SEC23B: variants seen among roughly 807,000 people sequenced by gnomAD.
SEC23B encodes the protein SEC23 homolog B, COPII component.
A neutral mutation model predicts 104.3 loss-of-function variants in SEC23B; 77 were observed. The observed-to-expected ratio is 0.74, with a 90% CI of 0.61 to 0.89. The LOEUF (loss-of-function observed/expected upper bound fraction) is 0.89. SEC23B is among the 40% of genes least tolerant of loss of function. SEC23B has a pLI of 0.00. For synonymous variants in SEC23B, 338 were observed against 332.5 expected (o/e 1.02, Z -0.18); for missense variants, 885 against 949.4 (o/e 0.93, Z 0.89).
chr20:18,519,705 G>T (rs2060066049), intron 4 of SEC23B, among the ~76,000 whole-genome samples: 1 of 152,164 alleles, frequency 6.6e-6, no homozygotes, highest in African/African-American at 2.4e-5. Flanking sequence ...AGGATCTGTG[G>T]GGTCAGCTAG....
chr20:18,512,828 G>A (rs1315246501), intron 3 of SEC23B, among the ~76,000 whole-genome samples: 3 of 152,138 alleles, frequency 2.0e-5, no homozygotes, highest in Admixed American at 2.0e-4. Flanking sequence ...GAGGTGGGTG[G>A]ATCATGAGGT....
At chr20:18,551,325 A>G (rs2122161444) in intron 17 of SEC23B, 150 bp downstream of exon 17, 1 of 604,524 alleles carries the variant, frequency 1.7e-6, no homozygotes. Flanking sequence ...TTTTAATGAC[A>G]TTTGTAACCA....
chr20:18,538,484 ACCTCGTGATCCGCACGTCTCT>A (rs2060257680), intron 12 of SEC23B, among the ~76,000 whole-genome samples: 1 of 151,596 alleles, frequency 6.6e-6, no homozygotes, highest in East Asian at 2.0e-4. Context: ...CGATCTCCTG[ACCTCGTGATCCGCACGTCTCT>A]GCCTTCCAAA....
At position 18,516,429 on chromosome 20, in the gene SEC23B, C is replaced by A. The variant is rs562537050; in HGVS notation, c.366+693C>A. Among the ~76,000 whole-genome samples the A allele has an allele frequency of 2.6e-5, 4 of 151,992 alleles. No individual in the cohort carries two copies. In the South Asian group the frequency reaches 8.3e-4, roughly 31 times the overall value. On this transcript the variant is annotated intron_variant, in intron 4 of 19. Coordinates refer to ENST00000650089, the MANE Select transcript of SEC23B (RefSeq NM_006363.6). ...CATTGTGTTTTATTGGAAAACTTGT[C>A]TGTCTTTATGCCAGAACTAAACTGT...
intron 1 of SEC23B, among the ~76,000 whole-genome samples, chr20:18,509,168 C>T (rs1395804934): frequency 6.6e-6 from 1 of 152,204 alleles, no homozygotes; most frequent in Admixed American, 6.5e-5. Flanking sequence ...AGAGTGCTTC[C>T]TGTGCACACA....
chr20:18,544,739 G>C (rs924415194), intron 14 of SEC23B, among the ~76,000 whole-genome samples: 1 of 152,176 alleles, frequency 6.6e-6, no homozygotes, highest in Non-Finnish European at 1.5e-5. Context: ...GAGAGAAAAG[G>C]CTATTGTTGT....
intron 4 of SEC23B, among the ~76,000 whole-genome samples, chr20:18,522,709 T>C (rs577555104): frequency 1.3e-5 from 2 of 152,230 alleles, no homozygotes; most frequent in East Asian, 3.9e-4. Context: ...GCTGTTATTT[T>C]ACCTGGGTGC....
intron 15 of SEC23B, 123 bp from the exon 16 acceptor site, chr20:18,548,486 T>TTA (rs1286264773): frequency 1.1e-6 from 1 of 918,146 alleles, no homozygotes; most frequent in Non-Finnish European, 1.7e-6. Context: ...CTTTCTGTTC[T>TTA]GTGAAACCAG....
At position 18,543,149 on chromosome 20, in the gene SEC23B, C is replaced by G; in HGVS notation, c.1642C>G (p.Leu548Val). The change falls in exon 14 of 20, where the codon CTG becomes GTG. Residue 548 changes from leucine (L) to valine (V), a missense_variant. Transcript: ENST00000650089. ...GGAGGGGCCCGATGTGCTCCGGTGG[C>G]TGGACCGACAACTCATCCGACTGGT... ...SEEGPDVLRW[L>V]DRQLIRLCQK... The G allele has an allele frequency of 6.2e-7, 1 of 1,614,174 alleles. No homozygotes were observed. Among genetic ancestry groups the G allele is most frequent in the South Asian group, 1.1e-5 (1 of 91,084 alleles).
At chr20:18,529,182 A>G (rs1450058891) in intron 9 of SEC23B, among the ~76,000 whole-genome samples, 2 of 152,244 alleles carry the variant, frequency 1.3e-5, no homozygotes, top group Admixed American at 1.3e-4. Context: ...TGAGAACTGT[A>G]TTCAGCAGTT....
chr20:18,551,175 G>A lies in SEC23B; in HGVS notation c.1992G>A (p.Glu664=). The stretch of plus-strand genomic sequence containing the variant: ...TTCAAATTGTCATTTATCTTGGTGA[G>A]GTAAGATGATATTATTAATTAATTA... ...TFFQIVIYLG[E]TIAQWRKAGY... is the part of the protein sequence containing the mutation. Residue 664 remains glutamate (E), a splice_region_variant and synonymous_variant, in exon 17 of 20, where the codon GAG becomes GAA. Coordinates refer to ENST00000650089, the MANE Select transcript of SEC23B (RefSeq NM_006363.6). The A allele has an allele frequency of 4.0e-6, 6 of 1,510,630 alleles. No individual in the cohort carries two copies. Among genetic ancestry groups the A allele is most frequent in the Non-Finnish European group, 5.5e-6 (6 of 1,092,228 alleles). 93.6% of individuals were successfully genotyped at this position (1,510,630 alleles called of 1,614,324 possible).
intron 4 of SEC23B, among the ~76,000 whole-genome samples, chr20:18,518,676 G>A (rs1302021526): frequency 2.2e-5 from 3 of 136,930 alleles, no homozygotes; most frequent in Admixed American, 8.4e-5. Flanking sequence ...GTAAACAGGA[G>A]TGACCAATGA....
intron 12 of SEC23B, 88 bp downstream of exon 12, chr20:18,535,830 A>G: frequency 8.1e-6 from 8 of 982,348 alleles, no homozygotes; most frequent in Non-Finnish European, 1.3e-5. Flanking sequence ...TACTTTCTTC[A>G]CAAACCAATA....
chr20:18,530,827 T>G (rs2060179297), intron 10 of SEC23B, 24 bp downstream of exon 10: 1 of 1,573,616 alleles, frequency 6.4e-7, no homozygotes, highest in African/African-American at 1.4e-5. Context: ...TTTTTTTTTT[T>G]TATGTGGACT....
At chr20:18,554,914 A>C (rs1359178291) in intron 18 of SEC23B, among the ~76,000 whole-genome samples, 194 bp from the exon 19 acceptor site, 1 of 152,190 alleles carries the variant, frequency 6.6e-6, no homozygotes, top group African/African-American at 2.4e-5. Context: ...TAGGATCCTT[A>C]AATGGAGAGC....
chr20:18,525,970 A>AAC, intron 7 of SEC23B, 38 bp downstream of exon 7: 1 of 1,603,672 alleles, frequency 6.2e-7, no homozygotes, highest in East Asian at 2.2e-5. Context: ...AAATCATACA[A>AAC]ATGTGCTCTC....
At chr20:18,543,236 T>C (rs2060305278) in intron 14 of SEC23B, 64 bp downstream of exon 14, 2 of 1,592,010 alleles carry the variant, frequency 1.3e-6, no homozygotes. Flanking sequence ...AGAAGAAAAT[T>C]GTCACTTAAT....
rs151126375 is a variant in SEC23B, at chr20:18,510,981, C to T, written c.146C>T (p.Pro49Leu). The stretch of plus-strand genomic sequence containing the variant: ...CTCCTTACTCCTTTGAAAGAACGTC[C>T]AGACCTACCTCCTGTACAATATGAA... ...ACLLTPLKER[P>L]DLPPVQYEPV... The change falls in exon 2 of 20, where the codon CCA becomes CTA. Residue 49 changes from proline (P) to leucine (L), a missense_variant. Transcript: ENST00000650089. The T allele has an allele frequency of 5.0e-6, 8 of 1,614,060 alleles. No homozygotes were observed. Among genetic ancestry groups the T allele is most frequent in the African/African-American group, 4.0e-5 (3 of 74,922 alleles).
intron 17 of SEC23B, among the ~76,000 whole-genome samples, chr20:18,551,762 G>T (rs1372434063): frequency 1.3e-5 from 2 of 151,976 alleles, no homozygotes; most frequent in Admixed American, 6.6e-5. Flanking sequence ...AAAATCTCAG[G>T]TGGTTATTTT....
Sources: allele counts gnomAD v4.1 joint callset (sites outside exome capture counted in the v4.1 genomes callset), GRCh38; gene constraint gnomAD v4.1.1; transcripts MANE v1.5; gene names NCBI Gene and HGNC (gene_info 2026-07-23, HGNC 2026-07-21).